The following LINGO2 variants were observed in gnomAD, a reference collection of about 807,000 sequenced individuals.
LINGO2 encodes the protein leucine-rich repeat and immunoglobulin-like domain-containing nogo receptor-interacting protein 2.
LINGO2 carries 14 observed loss-of-function variants against 30.6 expected under a neutral mutation model. The ratio of observed to expected loss-of-function variants is 0.46; its 90% CI spans 0.30 to 0.72. The LOEUF (loss-of-function observed/expected upper bound fraction) is 0.72. Ranked by LOEUF, LINGO2 falls within the 30% of genes least tolerant of loss-of-function variation. The probability of loss-of-function intolerance (pLI) is 0.07; values close to 1 mark genes in which losing one functional copy is unlikely to be tolerated. For synonymous variants in LINGO2, 317 were observed against 288.5 expected (o/e 1.10, Z -1.00); for missense variants, 729 against 751.7 (o/e 0.97, Z 0.35).
chr9:28,555,882 A>T (rs61495432), intron 1 of LINGO2, among the ~76,000 whole-genome samples: 9,163 of 152,086 alleles, frequency 0.06, 522 homozygotes, highest in African/African-American at 0.14. Context: ...TATAAACAGA[A>T]CCAAAGACAA....
intron 5 of LINGO2, among the ~76,000 whole-genome samples, chr9:28,006,374 G>A (rs1001449503): frequency 7.9e-5 from 12 of 152,124 alleles, no homozygotes; most frequent in African/African-American, 2.7e-4. Flanking sequence ...GGGGCTATCA[G>A]AGGGAGGAAT....
intron 1 of LINGO2, among the ~76,000 whole-genome samples, chr9:28,585,229 G>A (rs1345345032): frequency 1.3e-5 from 2 of 152,000 alleles, no homozygotes; most frequent in African/African-American, 4.8e-5. Context: ...AAATCATTCT[G>A]TTTTAACTGG....
At chr9:29,129,591 T>C in the LINGO2 span, among the ~76,000 whole-genome samples, 4 of 152,078 alleles carry the variant, frequency 2.6e-5, no homozygotes, top group Non-Finnish European at 5.9e-5. Context: ...AGAATTCTAG[T>C]TGACACATGG....
chr9:28,481,379 T>C (rs1825957241), intron 1 of LINGO2, among the ~76,000 whole-genome samples: 1 of 152,124 alleles, frequency 6.6e-6, no homozygotes. Context: ...CCACAGCCTA[T>C]ACGCACCAAA....
intron 4 of LINGO2, among the ~76,000 whole-genome samples, chr9:28,238,316 G>C (rs1213216331): frequency 1.3e-5 from 2 of 152,094 alleles, no homozygotes; most frequent in East Asian, 3.8e-4. Context: ...GATATATACA[G>C]AACATTTCAT....
intron 4 of LINGO2, among the ~76,000 whole-genome samples, chr9:28,049,322 A>C (rs1236990143): frequency 6.6e-6 from 1 of 150,894 alleles, no homozygotes; most frequent in Non-Finnish European, 1.5e-5. Context: ...ATGATCATTA[A>C]GTTACAACAT....
intron 3 of LINGO2, among the ~76,000 whole-genome samples, chr9:28,341,966 T>C (rs1473804923): frequency 1.3e-5 from 2 of 152,106 alleles, no homozygotes; most frequent in African/African-American, 4.8e-5. Flanking sequence ...GTTAGGAAGA[T>C]TCATGAGTTA....
At chr9:28,738,448 A>T in the LINGO2 span, among the ~76,000 whole-genome samples, 1 of 152,172 alleles carries the variant, frequency 6.6e-6, no homozygotes, top group African/African-American at 2.4e-5. Context: ...ACTATTTAAT[A>T]TACATAAACT....
chr9:28,005,196 A>G (rs1349072879), intron 5 of LINGO2, among the ~76,000 whole-genome samples: 1 of 152,208 alleles, frequency 6.6e-6, no homozygotes, highest in Non-Finnish European at 1.5e-5. Flanking sequence ...CTGAGGTCAT[A>G]CCAATCCAGT....
chr9:29,101,941 A>T, the LINGO2 span, among the ~76,000 whole-genome samples: 1 of 152,164 alleles, frequency 6.6e-6, no homozygotes. Context: ...GATATATTAA[A>T]AGCTGATTCC....
chr9:28,003,309 T>TC, intron 5 of LINGO2, among the ~76,000 whole-genome samples: 1 of 151,942 alleles, frequency 6.6e-6, no homozygotes, highest in South Asian at 2.1e-4. Flanking sequence ...CTCATTTTTA[T>TC]TAGTTTTTGT....
At chr9:28,821,477 C>G in the LINGO2 span, among the ~76,000 whole-genome samples, 3 of 152,172 alleles carry the variant, frequency 2.0e-5, 1 homozygote, top group Admixed American at 2.0e-4. Flanking sequence ...TCATACAGAT[C>G]ACGGAAATTT....
intron 2 of LINGO2, among the ~76,000 whole-genome samples, chr9:28,435,478 G>T (rs1823886583): frequency 6.6e-6 from 1 of 152,148 alleles, no homozygotes; most frequent in African/African-American, 2.4e-5. Flanking sequence ...AATAGGAGTT[G>T]CTCACAAACG....
the LINGO2 span, among the ~76,000 whole-genome samples, chr9:28,731,593 C>T: frequency 4.6e-5 from 7 of 152,188 alleles, no homozygotes; most frequent in African/African-American, 1.2e-4. Flanking sequence ...TACTTGGGAA[C>T]ATTTGAGGGA....
At chr9:29,164,107 G>GA in the LINGO2 span, among the ~76,000 whole-genome samples, 36,753 of 144,522 alleles carry the variant, frequency 0.25, 4,641 homozygotes, top group East Asian at 0.45. Context: ...CTACATGGAG[G>GA]AAAAAAAAAA....
At chr9:28,875,492 C>T in the LINGO2 span, among the ~76,000 whole-genome samples, 6,541 of 152,130 alleles carry the variant, frequency 0.043, 215 homozygotes, top group Admixed American at 0.084. Flanking sequence ...TACCACTTTA[C>T]CAATTGTCTC....
At chr9:27,994,500 C>T (rs545241597) in intron 5 of LINGO2, among the ~76,000 whole-genome samples, 33 of 151,954 alleles carry the variant, frequency 2.2e-4, no homozygotes, top group Non-Finnish European at 4.3e-4. Context: ...AATCCCACGC[C>T]CCAGGGACCA....
chr9:28,317,037 A>G (rs1427699169), intron 3 of LINGO2, among the ~76,000 whole-genome samples: 2 of 152,008 alleles, frequency 1.3e-5, no homozygotes, highest in East Asian at 3.9e-4. Context: ...GAAGAGGTTA[A>G]CTCTCTTTTT....
the LINGO2 span, among the ~76,000 whole-genome samples, chr9:28,852,420 G>GAATT: frequency 6.6e-6 from 1 of 151,998 alleles, no homozygotes; most frequent in South Asian, 2.1e-4. Flanking sequence ...AAGTTTAGAA[G>GAATT]AGGCACCAAA....
Sources: allele counts gnomAD v4.1 joint callset (sites outside exome capture counted in the v4.1 genomes callset), GRCh38; gene constraint gnomAD v4.1.1; transcripts MANE v1.5; gene names NCBI Gene and HGNC (gene_info 2026-07-23, HGNC 2026-07-21).